The following TNFRSF11A variants were observed in gnomAD, a reference collection of about 807,000 sequenced individuals.
The protein encoded by TNFRSF11A is tumor necrosis factor receptor superfamily member 11A.
A neutral mutation model predicts 55.7 loss-of-function variants in TNFRSF11A; 32 were observed. The ratio of observed to expected loss-of-function variants is 0.57; its 90% CI spans 0.43 to 0.77. The LOEUF (loss-of-function observed/expected upper bound fraction) is 0.77, where lower values mean the gene tolerates loss of function less well. TNFRSF11A is among the 30% of genes least tolerant of loss of function. The probability of loss-of-function intolerance (pLI) is 0.00; values close to 1 mark genes in which losing one functional copy is unlikely to be tolerated. For synonymous variants in TNFRSF11A, 311 were observed against 331.0 expected (o/e 0.94, Z 0.65); for missense variants, 753 against 809.8 (o/e 0.93, Z 0.85).
chr18:62,356,489 C>T (rs562682985), intron 4 of TNFRSF11A, among the ~76,000 whole-genome samples: 33 of 152,340 alleles, frequency 2.2e-4, no homozygotes, highest in African/African-American at 7.2e-4. Context: ...TTCTATTAGA[C>T]TTTCTCTCTG....
intron 1 of TNFRSF11A, among the ~76,000 whole-genome samples, chr18:62,343,529 C>T (rs776530276): frequency 1.1e-4 from 17 of 152,086 alleles, no homozygotes; most frequent in African/African-American, 1.9e-4. Context: ...CAGAATTAGA[C>T]TCAACATGGC....
In TNFRSF11A at chr18:62,386,502, G is replaced by A. The variant is rs1039456454; in HGVS notation, c.*1468G>A. ...GAGAAGCCTAGAGGACGCTCCAGGTGGAAGGAAATCCCCTGGGTGGTTTTA... is the reference window on the plus strand; with the variant it reads ...GAGAAGCCTAGAGGACGCTCCAGGTAGAAGGAAATCCCCTGGGTGGTTTTA... On this transcript the variant is annotated 3_prime_UTR_variant, in exon 10 of 10. Coordinates refer to ENST00000586569, the MANE Select transcript of TNFRSF11A (RefSeq NM_003839.4). 3 of 152,222 alleles carry A rather than the reference G, an allele frequency of 2.0e-5. No homozygotes were observed. The highest frequency in any genetic ancestry group is 3.8e-4 in the East Asian group (2 of 5,206). 9.4% of individuals were successfully genotyped at this position (152,222 alleles called of 1,614,324 possible).
rs1600391975 is a variant in TNFRSF11A, at chr18:62,359,834, T to C, written c.522-121T>C. On this transcript the variant is annotated intron_variant, in intron 5 of 9. Coordinates refer to ENST00000586569, the MANE Select transcript of TNFRSF11A (RefSeq NM_003839.4). ...GTGGAAGGCACAGGGGATTCAAATG[T>C]CCAAGAAGGCGTGGGTTCCTCTCCT... The C allele has an allele frequency of 3.7e-6, 3 of 814,236 alleles. No individual in the cohort carries two copies. The Admixed American group carries it at 5.5e-5, about 15-fold the overall frequency. The allele number at this position is 814,236 out of a possible 1,614,324, so 50.4% of individuals were successfully genotyped here.
intron 3 of TNFRSF11A, among the ~76,000 whole-genome samples, chr18:62,351,892 G>C (rs1385085196): frequency 1.3e-5 from 2 of 152,172 alleles, no homozygotes; most frequent in Non-Finnish European, 2.9e-5. Flanking sequence ...GGCCTCCCGG[G>C]TTCAAACGAT....
chr18:62,326,045 G>A (rs1380911427), intron 1 of TNFRSF11A, among the ~76,000 whole-genome samples: 38 of 152,246 alleles, frequency 2.5e-4, no homozygotes, highest in Admixed American at 2.4e-3. Flanking sequence ...GGTCCTCTCG[G>A]AACAGGTTTC....
rs1239121043 is a variant in TNFRSF11A at position 62,390,275 on chromosome 18, T to C, written c.*5241T>C. 6.6e-6 allele frequency: 1 copy of C among 152,254 alleles called. No homozygotes were observed. Among genetic ancestry groups the C allele is most frequent in the Non-Finnish European group, 1.5e-5 (1 of 68,056 alleles). The allele number at this position is 152,254 out of a possible 1,614,324, so 9.4% of individuals were successfully genotyped here. A position where few individuals can be genotyped will look rare whatever the true frequency, so the allele number is the denominator to read the frequency against. The stretch of plus-strand genomic sequence containing the variant: ...TATGGTTGACCCAAAAGTTGTCATC[T>C]TCTGACATGACACACTGAGGGAAGT... On this transcript the variant is annotated 3_prime_UTR_variant, in exon 10 of 10. Transcript: ENST00000586569.
intron 1 of TNFRSF11A, among the ~76,000 whole-genome samples, chr18:62,330,201 T>C (rs7233197): frequency 0.92 from 140,404 of 152,270 alleles, 64,857 homozygotes; most frequent in African/African-American, 0.97. Context: ...TGTGTGCAGA[T>C]GATTAAAAGA....
intron 8 of TNFRSF11A, among the ~76,000 whole-genome samples, chr18:62,367,785 CTTCTT>C (rs1870360447): frequency 9.1e-6 from 1 of 110,462 alleles, no homozygotes; most frequent in Admixed American, 1.0e-4. Context: ...TTTTCTTCTT[CTTCTT>C]TTTTTTTTTT....
chr18:62,384,852 G>C lies in TNFRSF11A; in HGVS notation c.1669G>C (p.Glu557Gln). Residue 557 changes from glutamate (E) to glutamine (Q), a missense_variant, in exon 10 of 10, where the codon GAG becomes CAG. By Grantham distance (29) the Glu-to-Gln change is conservative. This residue lies in a region of TNFRSF11A where 567 missense variants were observed against 596.7 expected (regional missense o/e 0.95). Coordinates refer to ENST00000586569, the MANE Select transcript of TNFRSF11A (RefSeq NM_003839.4). Reference protein sequence around the residue: ...IVVYVSQTSQEGAAAAAEPMG... With the variant: ...IVVYVSQTSQQGAAAAAEPMG... ...GGTCTACGTCAGCCAGACCTCGCAG[G>C]AGGGCGCGGCGGCGGCTGCGGAGCC... 2.5e-6 allele frequency: 4 copies of C among 1,608,854 alleles called. No homozygotes were observed. Among genetic ancestry groups the C allele is most frequent in the Non-Finnish European group, 3.4e-6 (4 of 1,177,886 alleles).
intron 1 of TNFRSF11A, among the ~76,000 whole-genome samples, chr18:62,343,112 C>T (rs917259024): frequency 1.3e-5 from 2 of 152,146 alleles, no homozygotes; most frequent in African/African-American, 4.8e-5. Flanking sequence ...CACATTTAAT[C>T]GTTTCTCTCT....
At position 62,348,225 on chromosome 18, in the gene TNFRSF11A, C is replaced by T. The variant is rs199863919; in HGVS notation, c.133C>T (p.Arg45Trp). The T allele has an allele frequency of 6.9e-5, 112 of 1,614,086 alleles. No individual in the cohort carries two copies. The highest frequency in any genetic ancestry group is 2.3e-4 in the Admixed American group (14 of 60,018). The change falls in exon 2 of 10, where the codon CGG (arginine) becomes TGG (tryptophan). Residue 45 changes from arginine to tryptophan, a missense_variant. Physicochemically the swap from Arg to Trp is moderately radical, Grantham distance 101. Coordinates refer to ENST00000586569, the MANE Select transcript of TNFRSF11A (RefSeq NM_003839.4). Reference sequence around the variant, plus strand: ...TGAGAAGCATTATGAGCATCTGGGACGGTGCTGTAACAAATGTGAACCAGG... The same window carrying T: ...TGAGAAGCATTATGAGCATCTGGGATGGTGCTGTAACAAATGTGAACCAGG... Reference protein sequence around the residue: ...TSEKHYEHLGRCCNKCEPGKY... With the variant: ...TSEKHYEHLGWCCNKCEPGKY...
At chr18:62,370,398 C>T (rs188540763) in intron 9 of TNFRSF11A, among the ~76,000 whole-genome samples, 21 of 152,316 alleles carry the variant, frequency 1.4e-4, no homozygotes, top group Admixed American at 9.8e-4. Context: ...TCCTCCAACT[C>T]ATATTTTTAA....
Position 62,348,226 on chromosome 18 carries a change from G to A in TNFRSF11A, c.134G>A (p.Arg45Gln), listed in dbSNP as rs779581026. 26 of 1,614,112 alleles carry A rather than the reference G, an allele frequency of 1.6e-5. No homozygotes were observed. Among genetic ancestry groups the A allele is most frequent in the East Asian group, 4.5e-5 (2 of 44,876 alleles). ...GAGAAGCATTATGAGCATCTGGGAC[G>A]GTGCTGTAACAAATGTGAACCAGGT... ...TSEKHYEHLG[R>Q]CCNKCEPGKY... The change falls in exon 2 of 10, where the codon CGG becomes CAG. Residue 45 changes from arginine (R) to glutamine (Q), a missense_variant. Arg to Gln is a conservative substitution (Grantham distance 43, BLOSUM62 1). Coordinates refer to ENST00000586569, the MANE Select transcript of TNFRSF11A (RefSeq NM_003839.4).
At chr18:62,365,428 A>G (rs1488127479) in intron 7 of TNFRSF11A, among the ~76,000 whole-genome samples, 1 of 152,154 alleles carries the variant, frequency 6.6e-6, no homozygotes, top group Admixed American at 6.5e-5. Flanking sequence ...TTTTTTGAAC[A>G]TATTCTTCTT....
At chr18:62,326,253 A>T (rs780083480) in intron 1 of TNFRSF11A, among the ~76,000 whole-genome samples, 4 of 152,228 alleles carry the variant, frequency 2.6e-5, no homozygotes, top group Non-Finnish European at 5.9e-5. Flanking sequence ...ACACTAGGTT[A>T]GGCTGCTGCC....
intron 4 of TNFRSF11A, 86 bp downstream of exon 4, chr18:62,354,620 AGCTCCAG>A: frequency 2.5e-6 from 4 of 1,582,876 alleles, no homozygotes; most frequent in Non-Finnish European, 2.6e-6. Context: ...GCAGCAAGAA[AGCTCCAG>A]GGTGCTAGGC....
intron 9 of TNFRSF11A, among the ~76,000 whole-genome samples, chr18:62,375,063 C>A (rs1300435093): frequency 6.7e-6 from 1 of 148,658 alleles, no homozygotes; most frequent in Non-Finnish European, 1.5e-5. Context: ...TACCACCACA[C>A]CCTGCTAATT....
chr18:62,361,758 G>A lies in TNFRSF11A; in HGVS notation c.695G>A (p.Gly232Asp). The change falls in exon 7 of 10, where the codon GGC (glycine) becomes GAC (aspartate). Residue 232 changes from glycine (G) to aspartate (D), a missense_variant. Transcript: ENST00000586569. ...GCCCTGGTGGCTGCCATCATCTTTG[G>A]CGTTTGCTATAGGAAAAAAGGGAAA... is the stretch of plus-strand genomic sequence containing the variant. ...SVALVAAIIF[G>D]VCYRKKGKAL... is the part of the protein sequence containing the mutation. 1 of 1,614,020 alleles carries A rather than the reference G, an allele frequency of 6.2e-7. No individual in the cohort carries two copies. Among genetic ancestry groups the A allele is most frequent in the Middle Eastern group, 1.6e-4 (1 of 6,062 alleles).
chr18:62,343,928 TCAG>T (rs2046347581), intron 1 of TNFRSF11A, among the ~76,000 whole-genome samples: 1 of 152,198 alleles, frequency 6.6e-6, no homozygotes, highest in African/African-American at 2.4e-5. Flanking sequence ...GAGAATATTT[TCAG>T]CTTATTGATT....
Sources: gnomAD v4.1 joint callset for allele counts (sites outside exome capture counted in the v4.1 genomes callset) on GRCh38, gnomAD v4.1.1 for gene constraint, gnomAD v4.1.1 regional missense constraint, MANE v1.5 for transcripts, NCBI Gene and HGNC (gene_info 2026-07-23, HGNC 2026-07-21) for gene names.